Variants in LIN28B observed in about 807,000 individuals in gnomAD.
LIN28B encodes lin-28 RNA binding posttranscriptional regulator B, also known as protein lin-28 homolog B.
Under a neutral mutation model 21.9 loss-of-function variants are expected in LIN28B, and 5 were observed. The observed-to-expected ratio is 0.23, with a 90% CI of 0.12 to 0.48. The LOEUF (loss-of-function observed/expected upper bound fraction) is 0.48, where lower values mean the gene tolerates loss of function less well. Among genes scored for constraint, LIN28B ranks in the 20% least tolerant of loss-of-function variants. The probability of loss-of-function intolerance (pLI) is 0.98; values close to 1 mark genes in which losing one functional copy is unlikely to be tolerated. For synonymous variants in LIN28B, 109 were observed against 111.3 expected, an observed-to-expected ratio of 0.98 and a Z score of 0.13; for missense variants, 245 against 310.5, an observed-to-expected ratio of 0.79 and a Z score of 1.58.
At chr6:105,006,756 C>G (rs1272985469) in intron 2 of LIN28B, among the ~76,000 whole-genome samples, 1 of 152,194 alleles carries the variant, frequency 6.6e-6, no homozygotes, top group Non-Finnish European at 1.5e-5. Context: ...GAAGATGGAT[C>G]TTGAAACTTG....
chr6:105,049,819 G>T (rs1205077005), intron 3 of LIN28B, among the ~76,000 whole-genome samples: 1 of 152,132 alleles, frequency 6.6e-6, no homozygotes, highest in Non-Finnish European at 1.5e-5. Context: ...AGACAGGATT[G>T]CAACCCCTGC....
chr6:104,960,752 C>T (rs1769723742), intron 2 of LIN28B, among the ~76,000 whole-genome samples: 1 of 151,978 alleles, frequency 6.6e-6, no homozygotes, highest in South Asian at 2.1e-4. Context: ...ATATTGATTG[C>T]ATGTAACAGC....
chr6:104,940,227 AAAG>A (rs1422341150), intron 2 of LIN28B: 4 of 168,976 alleles, frequency 2.4e-5, no homozygotes, highest in Non-Finnish European at 5.9e-5. Flanking sequence ...TAGTAAAAGA[AAAG>A]AAGACCTGGG....
chr6:105,006,698 T>C (rs1770822376), intron 2 of LIN28B, among the ~76,000 whole-genome samples: 1 of 152,128 alleles, frequency 6.6e-6, no homozygotes, highest in South Asian at 2.1e-4. Context: ...ACATGTTCAG[T>C]GTGGTCTGCA....
At chr6:105,063,648 G>GGAA (rs1491125302) in intron 3 of LIN28B, among the ~76,000 whole-genome samples, 1 of 133,308 alleles carries the variant, frequency 7.5e-6, no homozygotes, top group African/African-American at 2.8e-5. Context: ...GGGGGGGGGG[G>GGAA]AAAAAAAGGT....
intron 3 of LIN28B, among the ~76,000 whole-genome samples, chr6:105,053,029 C>G (rs996894016): frequency 1.3e-5 from 2 of 152,048 alleles, no homozygotes; most frequent in African/African-American, 4.8e-5. Context: ...TTCCTCTAAA[C>G]ACTGCTTTAG....
At chr6:104,944,744 C>T (rs923746842) in intron 2 of LIN28B, among the ~76,000 whole-genome samples, 5 of 151,936 alleles carry the variant, frequency 3.3e-5, no homozygotes, top group Non-Finnish European at 7.4e-5. Flanking sequence ...GTAAAAAGTA[C>T]TATTTTAAGC....
intron 3 of LIN28B, 44 bp from the exon 4 acceptor site, chr6:105,078,370 C>G (rs370618900): frequency 2.0e-6 from 3 of 1,536,608 alleles, no homozygotes; most frequent in African/African-American, 1.4e-5. Flanking sequence ...TTTTTGGATA[C>G]ATGCTGCCTA....
At chr6:105,010,477 G>A (rs985902988) in intron 2 of LIN28B, among the ~76,000 whole-genome samples, 1 of 151,772 alleles carries the variant, frequency 6.6e-6, no homozygotes, top group East Asian at 1.9e-4. Flanking sequence ...CTGTATCAAA[G>A]ATATTTTTTC....
chr6:104,991,059 C>A (rs559573107), intron 2 of LIN28B, among the ~76,000 whole-genome samples: 2 of 152,264 alleles, frequency 1.3e-5, no homozygotes, highest in African/African-American at 4.8e-5. Context: ...ATGGCCCGTT[C>A]TCAATGAGCT....
intron 3 of LIN28B, among the ~76,000 whole-genome samples, chr6:105,054,108 G>A (rs963562955): frequency 2.0e-5 from 3 of 152,138 alleles, no homozygotes; most frequent in Non-Finnish European, 2.9e-5. Flanking sequence ...TATGTCTCCT[G>A]CAGTCAAGAT....
chr6:105,030,707 C>T (rs766382491), intron 3 of LIN28B, among the ~76,000 whole-genome samples: 1 of 150,762 alleles, frequency 6.6e-6, no homozygotes, highest in Non-Finnish European at 1.5e-5. Context: ...AGCAATTCTC[C>T]TGCCTCAGCC....
At chr6:105,043,292 C>T (rs1202512372) in intron 3 of LIN28B, among the ~76,000 whole-genome samples, 1 of 125,574 alleles carries the variant, frequency 8.0e-6, no homozygotes, top group South Asian at 2.5e-4. Flanking sequence ...CATAGTGGCG[C>T]ACGCCTGTAG....
chr6:105,041,084 T>A (rs2114365592), intron 3 of LIN28B, among the ~76,000 whole-genome samples: 1 of 151,618 alleles, frequency 6.6e-6, no homozygotes, highest in African/African-American at 2.4e-5. Context: ...ATAATTTTTT[T>A]TTTTTTTAGT....
chr6:105,025,026 A>AACAT (rs1225186938), intron 2 of LIN28B, among the ~76,000 whole-genome samples: 1 of 152,214 alleles, frequency 6.6e-6, no homozygotes, highest in African/African-American at 2.4e-5. Context: ...ACAGAGAAAC[A>AACAT]ACATACAGTG....
intron 2 of LIN28B, among the ~76,000 whole-genome samples, chr6:105,013,450 C>A (rs1770962463): frequency 6.6e-6 from 1 of 151,516 alleles, no homozygotes; most frequent in Admixed American, 6.6e-5. Context: ...AATCAAGTTA[C>A]GTTCTGGCCA....
intron 3 of LIN28B, among the ~76,000 whole-genome samples, chr6:105,061,775 C>T (rs952960142): frequency 2.6e-5 from 4 of 152,000 alleles, no homozygotes; most frequent in African/African-American, 9.7e-5. Context: ...TATCATGGAC[C>T]ACCATCTGAG....
intron 3 of LIN28B, among the ~76,000 whole-genome samples, chr6:105,041,558 T>G (rs565910540): frequency 6.6e-6 from 1 of 152,306 alleles, no homozygotes; most frequent in African/African-American, 2.4e-5. Context: ...AATTTGATAC[T>G]TAGTCTTGAT....
chr6:104,992,211 TC>T lies in LIN28B; in HGVS notation c.198+33926del, dbSNP rs370124390. ...AAGTAGCTGGGATTACAGGCATGCATCACCACACCTGGCTAATTTTGTATTT... is the reference window on the plus strand; with the variant it reads ...AAGTAGCTGGGATTACAGGCATGCATACCACACCTGGCTAATTTTGTATTT... On this transcript the variant is annotated intron_variant, in intron 2 of 3. Transcript: ENST00000345080. Among the ~76,000 whole-genome samples the T allele has an allele frequency of 3.6e-3, 553 of 151,960 alleles. 2 individuals are homozygous for T. Among genetic ancestry groups the T allele is most frequent in the Middle Eastern group, 0.034 (10 of 292 alleles).
Sources: allele counts gnomAD v4.1 joint callset (sites outside exome capture counted in the v4.1 genomes callset), GRCh38; gene constraint gnomAD v4.1.1; transcripts MANE v1.5; gene names NCBI Gene and HGNC (gene_info 2026-07-23, HGNC 2026-07-21).